The following XIRP2 variants were observed in gnomAD, a reference collection of about 807,000 sequenced individuals.
The protein encoded by XIRP2 is xin actin binding repeat containing 2.
In XIRP2, 236 loss-of-function variants were observed where a neutral mutation model predicts 277.0. That is an observed-to-expected ratio of 0.85 (90% CI 0.77 to 0.95). The LOEUF is 0.95. XIRP2 is among the 40% of genes least tolerant of loss of function. The pLI, the probability that XIRP2 is intolerant of heterozygous loss-of-function variation, is 0.00. For synonymous variants in XIRP2, 1,490 were observed against 1,416.5 expected (o/e 1.05, Z -1.17); for missense variants, 4,640 against 4,157.5 (o/e 1.12, Z -3.19).
chr2:166,998,262 T>G (rs1207640260), intron 2 of XIRP2, among the ~76,000 whole-genome samples: 6 of 151,994 alleles, frequency 3.9e-5, no homozygotes, highest in Non-Finnish European at 8.8e-5. Context: ...GAATTTAAAA[T>G]AAAACAAAAT....
rs755806149 is a variant in XIRP2, at chr2:167,258,568, T to C, written c.*751T>C. On this transcript the variant is annotated 3_prime_UTR_variant, in exon 11 of 11. Transcript: ENST00000409195. Reference sequence around the variant, plus strand: ...TGCAGAGTGCTGAAAAGGAGAAAAATGAAAAAACTAACCAAACTAATGGTG... The same window carrying C: ...TGCAGAGTGCTGAAAAGGAGAAAAACGAAAAAACTAACCAAACTAATGGTG... The C allele has an allele frequency of 1.4e-5, 23 of 1,612,706 alleles. No homozygotes were observed. The highest frequency in any genetic ancestry group is 2.7e-5 in the African/African-American group (2 of 74,736).
At position 167,245,029 on chromosome 2, in the gene XIRP2, A is replaced by T. The variant is rs1695204129; in HGVS notation, c.3637A>T (p.Ser1213Cys). 6.2e-7 allele frequency: 1 copy of T among 1,612,652 alleles called. No individual in the cohort carries two copies. The highest frequency in any genetic ancestry group is 1.7e-5 in the Admixed American group (1 of 59,790). ...KFENQSLDSI[S>C]SSSEEVLKKI... ...TGAAAATCAGTCCTTAGATTCTATAAGTTCTAGTTCAGAGGAAGTTTTGAA... is the reference window on the plus strand; with the variant it reads ...TGAAAATCAGTCCTTAGATTCTATATGTTCTAGTTCAGAGGAAGTTTTGAA... Residue 1213 changes from serine (S) to cysteine (C), a missense_variant, in exon 9 of 11, where the codon AGT (serine) becomes TGT (cysteine). Ser to Cys is a moderately radical substitution (Grantham distance 112). Transcript: ENST00000409195.
intron 2 of XIRP2, among the ~76,000 whole-genome samples, chr2:167,101,303 G>C (rs1404533706): frequency 6.6e-6 from 1 of 152,138 alleles, no homozygotes; most frequent in African/African-American, 2.4e-5. Flanking sequence ...TGGTAAAAGA[G>C]TTTGAATATG....
chr2:166,952,273 TC>T (rs1478617225), intron 2 of XIRP2, among the ~76,000 whole-genome samples: 40 of 152,122 alleles, frequency 2.6e-4, no homozygotes, highest in Middle Eastern at 3.4e-3. Context: ...CAATCCCTAA[TC>T]TTTTTATACT....
intron 2 of XIRP2, among the ~76,000 whole-genome samples, chr2:167,118,444 C>T (rs941356858): frequency 4.0e-5 from 6 of 149,212 alleles, no homozygotes; most frequent in South Asian, 2.1e-4. Flanking sequence ...ATCGGGCCAC[C>T]GCACTCCAGC....
chr2:167,085,946 A>T (rs2105268347), intron 2 of XIRP2, among the ~76,000 whole-genome samples: 1 of 152,162 alleles, frequency 6.6e-6, no homozygotes, highest in South Asian at 2.1e-4. Flanking sequence ...ATTTACATTT[A>T]AAGTTAATAT....
intron 5 of XIRP2, among the ~76,000 whole-genome samples, chr2:167,233,415 T>C (rs1331922937): frequency 6.6e-6 from 1 of 151,904 alleles, no homozygotes; most frequent in Non-Finnish European, 1.5e-5. Context: ...CTGTATAAGA[T>C]TGATACAAAG....
At chr2:166,979,689 C>T (rs1233399452) in intron 2 of XIRP2, among the ~76,000 whole-genome samples, 1 of 152,032 alleles carries the variant, frequency 6.6e-6, no homozygotes, top group Non-Finnish European at 1.5e-5. Context: ...ATTGTATTGA[C>T]AGCTTTTTTA....
chr2:167,062,491 G>T (rs1424051873), intron 2 of XIRP2, among the ~76,000 whole-genome samples: 1 of 151,980 alleles, frequency 6.6e-6, no homozygotes, highest in Non-Finnish European at 1.5e-5. Flanking sequence ...CTGTTACTTT[G>T]TTGTCTGGTT....
At chr2:167,040,334 AC>A (rs1462322590) in intron 2 of XIRP2, among the ~76,000 whole-genome samples, 2 of 151,988 alleles carry the variant, frequency 1.3e-5, no homozygotes, top group Non-Finnish European at 2.9e-5. Flanking sequence ...GAAACTAGGA[AC>A]TCTGAAACTA....
chr2:167,052,662 A>C (rs368898267), intron 2 of XIRP2, among the ~76,000 whole-genome samples: 14 of 152,296 alleles, frequency 9.2e-5, no homozygotes, highest in African/African-American at 3.4e-4. Flanking sequence ...ATTATAATAA[A>C]TTTGTACTGC....
At chr2:167,006,814 T>G (rs1413500601) in intron 2 of XIRP2, among the ~76,000 whole-genome samples, 3 of 151,772 alleles carry the variant, frequency 2.0e-5, no homozygotes, top group Non-Finnish European at 4.4e-5. Flanking sequence ...TTGAGTAATA[T>G]TCTGGCAATC....
intron 2 of XIRP2, among the ~76,000 whole-genome samples, chr2:166,943,881 T>TTAAAAG (rs1685786556): frequency 2.0e-5 from 3 of 152,222 alleles, no homozygotes; most frequent in African/African-American, 4.8e-5. Context: ...CAGACTCTTG[T>TTAAAAG]TCCATAGTGG....
At chr2:167,084,728 T>A (rs1397116255) in intron 2 of XIRP2, among the ~76,000 whole-genome samples, 10 of 151,698 alleles carry the variant, frequency 6.6e-5, no homozygotes, top group East Asian at 3.9e-4. Flanking sequence ...TTTATTTGCG[T>A]AGAGGTGTTT....
At chr2:167,144,656 G>A (rs1255580985) in intron 3 of XIRP2, among the ~76,000 whole-genome samples, 1 of 152,032 alleles carries the variant, frequency 6.6e-6, no homozygotes, top group African/African-American at 2.4e-5. Context: ...ACACTTCAGG[G>A]AAGAACTTGA....
At chr2:167,017,713 A>G (rs1258544141) in intron 2 of XIRP2, among the ~76,000 whole-genome samples, 1 of 151,944 alleles carries the variant, frequency 6.6e-6, no homozygotes, top group East Asian at 1.9e-4. Flanking sequence ...AAAAGCACAT[A>G]GAAACCTCTG....
intron 3 of XIRP2, among the ~76,000 whole-genome samples, chr2:167,147,847 GA>G (rs1181893643): frequency 1.3e-5 from 2 of 152,156 alleles, no homozygotes; most frequent in African/African-American, 4.8e-5. Flanking sequence ...TGGACACGGG[GA>G]TTTAAAACAA....
At chr2:167,110,272 G>C (rs1558983342) in intron 2 of XIRP2, among the ~76,000 whole-genome samples, 1 of 152,078 alleles carries the variant, frequency 6.6e-6, no homozygotes, top group Admixed American at 6.6e-5. Flanking sequence ...GTATTTCCAA[G>C]CTTATCTCCC....
intron 2 of XIRP2, among the ~76,000 whole-genome samples, chr2:166,954,731 C>T (rs923802036): frequency 7.2e-5 from 11 of 151,852 alleles, no homozygotes; most frequent in African/African-American, 1.5e-4. Flanking sequence ...TAGAATACTA[C>T]GCAGTCGTGA....
Sources: gnomAD v4.1 joint callset for allele counts (sites outside exome capture counted in the v4.1 genomes callset) on GRCh38, gnomAD v4.1.1 for gene constraint, MANE v1.5 for transcripts, NCBI Gene and HGNC (gene_info 2026-07-23, HGNC 2026-07-21) for gene names.